Variants in LIG1 observed in about 807,000 individuals in gnomAD.
The protein encoded by LIG1 is ligase I, DNA, ATP-dependent.
In LIG1, 70 loss-of-function variants were observed where a neutral mutation model predicts 115.7. That is an observed-to-expected ratio of 0.60 (90% confidence interval 0.50 to 0.74). LIG1 has a LOEUF of 0.74. Among genes scored for constraint, LIG1 ranks in the 30% least tolerant of loss-of-function variants. The pLI, the probability that LIG1 is intolerant of heterozygous loss-of-function variation, is 0.00. For synonymous variants in LIG1, 487 were observed against 495.3 expected, an observed-to-expected ratio of 0.98 and a Z score of 0.22; for missense variants, 1,115 against 1,225.6, an observed-to-expected ratio of 0.91 and a Z score of 1.35.
chr19:48,135,842 G>A, intron 15 of LIG1, 63 bp from the exon 16 acceptor site: 5 of 1,451,468 alleles, frequency 3.4e-6, no homozygotes, highest in East Asian at 2.3e-5. Context: ...CCAGGGTGCA[G>A]TGGGTGGTTT....
intron 16 of LIG1, among the ~76,000 whole-genome samples, chr19:48,135,353 C>A (rs562416370): frequency 3.0e-4 from 45 of 152,298 alleles, no homozygotes; most frequent in African/African-American, 1.1e-3. Context: ...AAACTCCTGA[C>A]CTCAAGTGAT....
chr19:48,165,983 C>T (rs530990475), intron 1 of LIG1, among the ~76,000 whole-genome samples: 12 of 152,158 alleles, frequency 7.9e-5, no homozygotes, highest in Non-Finnish European at 1.3e-4. Flanking sequence ...ACTGTGGAAG[C>T]TTATAAAATT....
chr19:48,127,311 A>G lies in LIG1; in HGVS notation c.1970T>C (p.Leu657Ser). Residue 657 changes from leucine (L) to serine (S), a missense_variant, in exon 21 of 28, where the codon TTG becomes TCG. Physicochemically the swap from Leu to Ser is moderately radical, Grantham distance 145. Transcript: ENST00000263274. ...DASEIQVQVCLYAFDLIYLNG... is the reference protein window; with the variant it reads ...DASEIQVQVCSYAFDLIYLNG... ...GAGGTAGATGAGGTCGAAGGCGTAC[A>G]AACACACCTGCACCTGGATCTCAGA... 1 of 1,613,924 alleles carries G rather than the reference A, an allele frequency of 6.2e-7. No homozygotes were observed. The highest frequency in any genetic ancestry group is 8.5e-7 in the Non-Finnish European group (1 of 1,180,026).
intron 1 of LIG1, among the ~76,000 whole-genome samples, chr19:48,167,454 A>G (rs1426726933): frequency 1.3e-5 from 2 of 151,884 alleles, no homozygotes; most frequent in Non-Finnish European, 2.9e-5. Flanking sequence ...CCCGCACCAC[A>G]CGCCTCTAAG....
rs11666150 is a variant in LIG1, at chr19:48,115,873, C to T, written c.2676G>A (p.Gln892=). Residue 892 remains glutamine, a splice_region_variant and synonymous_variant, in exon 27 of 28, where the codon CAG becomes CAA. Transcript: ENST00000263274. Reference sequence around the variant, plus strand: ...CCACCCCTGCTTCCCAGGACCTCACCTGAGCACTGGTGGTGGCCTGCTCCG... The same window carrying T: ...CCACCCCTGCTTCCCAGGACCTCACTTGAGCACTGGTGGTGGCCTGCTCCG... ...KQPEQATTSA[Q]VACLYRKQSQ... 4.3e-6 allele frequency: 7 copies of T among 1,613,516 alleles called. No individual in the cohort carries two copies. Among genetic ancestry groups the T allele is most frequent in the Non-Finnish European group, 5.9e-6 (7 of 1,179,630 alleles).
At chr19:48,165,730 G>A (rs763819280) in intron 1 of LIG1, 107 bp from the exon 2 acceptor site, 2 of 875,334 alleles carry the variant, frequency 2.3e-6, no homozygotes, top group Non-Finnish European at 3.7e-6. Context: ...ACAGAAACAT[G>A]AATTTCCCCT....
At chr19:48,142,442 C>CAAAAAAAA (rs561137392) in intron 11 of LIG1, among the ~76,000 whole-genome samples, 3 of 75,600 alleles carry the variant, frequency 4.0e-5, no homozygotes, top group Admixed American at 1.4e-4. Context: ...GACTCCATCT[C>CAAAAAAAA]AAAAAAAAAA....
At chr19:48,161,730 A>T (rs2036187272) in intron 3 of LIG1, among the ~76,000 whole-genome samples, 1 of 151,916 alleles carries the variant, frequency 6.6e-6, no homozygotes. Flanking sequence ...CATCTCTGGA[A>T]GTCTCCAGAG....
rs371181442 is a variant in LIG1, at chr19:48,143,832, C to T, written c.857+51G>A. 11 of 1,482,674 alleles carry T rather than the reference C, an allele frequency of 7.4e-6. No homozygotes were observed. The highest frequency in any genetic ancestry group is 5.7e-5 in the South Asian group (5 of 88,458). The allele number at this position is 1,482,674 out of a possible 1,614,324, so 91.8% of individuals were successfully genotyped here. A position where few individuals can be genotyped will look rare whatever the true frequency, so the allele number is the denominator to read the frequency against. On this transcript the variant is annotated intron_variant, in intron 10 of 27. Transcript: ENST00000263274. Reference sequence around the variant, plus strand: ...ACCAAGACTCTGCTTAGAGAGCCTCCGGTGGCAACAGGGACCGGAGGGGGA... The same window carrying T: ...ACCAAGACTCTGCTTAGAGAGCCTCTGGTGGCAACAGGGACCGGAGGGGGA...
intron 21 of LIG1, chr19:48,123,530 A>T: frequency 1.6e-6 from 1 of 611,750 alleles, no homozygotes; most frequent in East Asian, 2.8e-5. Flanking sequence ...CACCATTTAG[A>T]GTCGGTGACT....
chr19:48,135,956 G>A, intron 15 of LIG1, 78 bp downstream of exon 15: 1 of 1,221,912 alleles, frequency 8.2e-7, no homozygotes, highest in Non-Finnish European at 1.2e-6. Flanking sequence ...GAAGGGGCGG[G>A]CATGGGCCTC....
rs41543521 is a variant in LIG1 at position 48,133,925 on chromosome 19, G to A, written c.1609+56C>T. On this transcript the variant is annotated intron_variant, in intron 17 of 27. Transcript: ENST00000263274. ...CGCCTACGATGGCCACCCTCACGCC[G>A]ACTCAGGAGGGAGCAGGGCTGCTGC... 2,574 of 1,452,438 alleles carry A rather than the reference G, an allele frequency of 1.8e-3. 29 individuals are homozygous for A. The African/African-American group carries it at 0.028, about 16-fold the overall frequency. 90.0% of individuals were successfully genotyped at this position (1,452,438 alleles called of 1,614,324 possible).
Position 48,122,967 on chromosome 19 carries a change from G to A in LIG1, c.2199C>T (p.Tyr733=), listed in dbSNP as rs142775724. ...AGTTGTGCGATCTCTTGGCGATCTC[G>A]TAGGTGGCATCAACATCCAGGGTCT... ...MVKTLDVDAT[Y]EIAKRSHNWL... The change falls in exon 23 of 28, where the codon TAC becomes TAT. Residue 733 remains tyrosine, a synonymous_variant. Transcript: ENST00000263274. This position sits in a 1 kb window ranked among gnomAD's most constrained non-coding sequence, Gnocchi z 4.3. 67 of 1,613,550 alleles carry A rather than the reference G, an allele frequency of 4.2e-5. 1 individual carries two copies. Among genetic ancestry groups the A allele is most frequent in the African/African-American group, 9.4e-5 (7 of 74,728 alleles).
chr19:48,149,922 C>T, intron 8 of LIG1, 81 bp from the exon 9 acceptor site: 1 of 1,536,984 alleles, frequency 6.5e-7, no homozygotes. Flanking sequence ...CCCAGCACCA[C>T]CCCAGTGCTC....
chr19:48,117,966 A>AGAAACAGAAAGT, intron 25 of LIG1, 185 bp from the exon 26 acceptor site: 1 of 642,744 alleles, frequency 1.6e-6, no homozygotes, highest in Non-Finnish European at 2.7e-6. Context: ...AAATAGAAAG[A>AGAAACAGAAAGT]GAAACAGAAA....
Position 48,133,832 on chromosome 19 carries a change from G to A in LIG1, c.1609+149C>T. ...GGGAAATTCCAAGGAGAAAAGCAGT[G>A]GGTTTCAGCACCAGGGAGGAGCATT... On this transcript the variant is annotated intron_variant, in intron 17 of 27. Transcript: ENST00000263274. 3 of 697,082 alleles carry A rather than the reference G, an allele frequency of 4.3e-6. No individual in the cohort carries two copies. The South Asian group carries it at 4.6e-5, about 11-fold the overall frequency. The allele number at this position is 697,082 out of a possible 1,614,324, so 43.2% of individuals were successfully genotyped here.
In LIG1 at chr19:48,142,445, A is replaced by AAAAAAAAAAAAAAAAAAC. The variant is rs1173532910; in HGVS notation, c.914+1097_914+1098insGTTTTTTTTTTTTTTTTT. Among the ~76,000 whole-genome samples, 220 of 146,650 alleles carry AAAAAAAAAAAAAAAAAAC rather than the reference A, an allele frequency of 1.5e-3. 13 individuals carry two copies. The highest frequency in any genetic ancestry group is 5.2e-3 in the African/African-American group (199 of 38,260). On this transcript the variant is annotated intron_variant, in intron 11 of 27. Coordinates refer to ENST00000263274, the MANE Select transcript of LIG1 (RefSeq NM_000234.3). The stretch of plus-strand genomic sequence containing the variant: ...GCAACAGAGCAAGACTCCATCTCAA[A>AAAAAAAAAAAAAAAAAAC]AAAAAAAAAAAACAGAGTGCTGGGA...
chr19:48,148,474 CAA>C (rs55722968), intron 9 of LIG1, among the ~76,000 whole-genome samples: 19,181 of 97,112 alleles, frequency 0.2, 2,045 homozygotes, highest in African/African-American at 0.34. Context: ...GATTCCATCT[CAA>C]AAAAAAAAAA....
In LIG1 at chr19:48,121,207, T is replaced by C. The variant is rs760928313; in HGVS notation, c.2348A>G (p.Tyr783Cys). 3 of 1,613,944 alleles carry C rather than the reference T, an allele frequency of 1.9e-6. No individual in the cohort carries two copies. The highest frequency in any genetic ancestry group is 2.2e-5 in the East Asian group (1 of 44,844). The change falls in exon 24 of 28, where the codon TAC becomes TGC. Residue 783 changes from tyrosine to cysteine, a missense_variant. Tyr to Cys is a radical substitution (Grantham distance 194, BLOSUM62 -2). Coordinates refer to ENST00000263274, the MANE Select transcript of LIG1 (RefSeq NM_000234.3). ...CTGCAGCTCCTCACTGTCCTCGTCG[T>C]AGGAGGCCAGCAGGAAGCCCCCGTA... ...GRYGGFLLAS[Y>C]DEDSEELQAI...
Sources: gnomAD v4.1 joint callset for allele counts (sites outside exome capture counted in the v4.1 genomes callset) on GRCh38, gnomAD v4.1.1 for gene constraint, Gnocchi (gnomAD v3.1) non-coding constraint, MANE v1.5 for transcripts, NCBI Gene and HGNC (gene_info 2026-07-23, HGNC 2026-07-21) for gene names.